The following GIN1 variants were observed in gnomAD, a reference collection of about 807,000 sequenced individuals.
GIN1 encodes gypsy retrotransposon integrase-like protein 1.
A neutral mutation model predicts 51.4 loss-of-function variants in GIN1; 41 were observed. The ratio of observed to expected loss-of-function variants is 0.80; its 90% CI spans 0.62 to 1.04. GIN1 has a LOEUF of 1.04. GIN1 is among the 50% of genes least tolerant of loss of function. The probability of loss-of-function intolerance (pLI) is 0.00; values close to 1 mark genes in which losing one functional copy is unlikely to be tolerated. For synonymous variants in GIN1, 222 were observed against 206.5 expected (o/e 1.07, Z -0.64); for missense variants, 610 against 612.4 (o/e 1.00, Z 0.04).
rs781841011 is a variant in GIN1 at position 103,104,615 on chromosome 5, T to C, written c.565A>G (p.Ile189Val). 2 of 1,575,242 alleles carry C rather than the reference T, an allele frequency of 1.3e-6. No homozygotes were observed. The highest frequency in any genetic ancestry group is 1.1e-5 in the South Asian group (1 of 90,288). The change falls in exon 4 of 8, where the codon ATT (isoleucine) becomes GTT (valine). Residue 189 changes from isoleucine (I) to valine (V), a missense_variant. Ile to Val is a conservative substitution (Grantham distance 29, BLOSUM62 3). Coordinates refer to ENST00000399004, the MANE Select transcript of GIN1 (RefSeq NM_017676.2). ...CCATATAAGAAAAATATATTGATAA[T>C]AGCTTTAGAAACTTCTGATGCTGAA... ...DVSASEVSKA[I>V]INIFFLYGPP...
intron 7 of GIN1, among the ~76,000 whole-genome samples, chr5:103,092,414 G>T (rs42860): frequency 0.3 from 46,158 of 151,674 alleles, 7,177 homozygotes; most frequent in East Asian, 0.45. Context: ...TTAGATTAAT[G>T]TATTTCTTCA....
At chr5:103,118,544 C>A (rs1257688832) in intron 1 of GIN1, among the ~76,000 whole-genome samples, 2 of 152,068 alleles carry the variant, frequency 1.3e-5, no homozygotes, top group Non-Finnish European at 2.9e-5. Flanking sequence ...AGAAGACTCA[C>A]GAATTGTATC....
rs550551338 is a variant in GIN1 at position 103,092,488 on chromosome 5, A to G, written c.1294+4053T>C. Among the ~76,000 whole-genome samples the G allele has an allele frequency of 2.0e-5, 3 of 152,202 alleles. No homozygotes were observed. The South Asian group carries it at 6.2e-4, about 32-fold the overall frequency. On this transcript the variant is annotated intron_variant, in intron 7 of 7. Coordinates refer to ENST00000399004, the MANE Select transcript of GIN1 (RefSeq NM_017676.2). The stretch of plus-strand genomic sequence containing the variant: ...TTTCTTATTTTAAAGAGAAGTGACT[A>G]AACTAATCCTATATATGGTTTGATA...
rs782646186 is a variant in GIN1 at position 103,086,211 on chromosome 5, T to C, written c.*1687A>G. 6 of 152,210 alleles carry C rather than the reference T, an allele frequency of 3.9e-5. No individual in the cohort carries two copies. The highest frequency in any genetic ancestry group is 2.9e-5 in the Non-Finnish European group (2 of 68,028). The allele number at this position is 152,210 out of a possible 1,614,324, so 9.4% of individuals were successfully genotyped here. A position where few individuals can be genotyped will look rare whatever the true frequency, so the allele number is the denominator to read the frequency against. On this transcript the variant is annotated 3_prime_UTR_variant, in exon 8 of 8. Transcript: ENST00000399004. ...CTTTATCTTCACATGGCATTCTCCT[T>C]GAGTCTGTGTTCAAATTTTCCCCTT...
Position 103,087,960 on chromosome 5 carries a change from G to A in GIN1, c.1507C>T (p.Leu503Phe), listed in dbSNP as rs1554194092. The A allele has an allele frequency of 3.8e-6, 6 of 1,598,522 alleles. No individual in the cohort carries two copies. The South Asian group carries it at 4.4e-5, about 12-fold the overall frequency. Residue 503 changes from leucine (L) to phenylalanine (F), a missense_variant, in exon 8 of 8, where the codon CTT becomes TTT. Transcript: ENST00000399004. ...AACAGACTGAAAGTCTGCTTTTCAAGAGAACTATGATCGTCTATCAATGGA... is the reference window on the plus strand; with the variant it reads ...AACAGACTGAAAGTCTGCTTTTCAAAAGAACTATGATCGTCTATCAATGGA... ...ISPLIDDHSS[L>F]EKQTFSLLDS...
rs1787792662 is a variant in GIN1, at chr5:103,108,665, T to C, written c.43A>G (p.Ile15Val). The change falls in exon 2 of 8, where the codon ATT becomes GTT. Residue 15 changes from isoleucine to valine, a missense_variant. Physicochemically the swap from Ile to Val is conservative, Grantham distance 29. Coordinates refer to ENST00000399004, the MANE Select transcript of GIN1 (RefSeq NM_017676.2). ...TCACCAGTTCGTTTGTAATATGCAA[T>C]CTGTTTAAGATGAAGGTCACCATTT... The part of the protein sequence containing the change: ...GKNGDLHLKQ[I>V]AYYKRTGEYH... 2 of 1,604,376 alleles carry C rather than the reference T, an allele frequency of 1.2e-6. No individual in the cohort carries two copies. The highest frequency in any genetic ancestry group is 2.2e-5 in the East Asian group (1 of 44,736).
In GIN1 at chr5:103,113,770, C is replaced by T. The variant is rs144514383; in HGVS notation, c.-7-5056G>A. Among the ~76,000 whole-genome samples the T allele has an allele frequency of 6.8e-3, 1,030 of 152,282 alleles. 7 individuals are homozygous for T. The highest frequency in any genetic ancestry group is 0.013 in the Non-Finnish European group (857 of 68,024). ...CTCCTGACCTCAAGTGATCCACCCA[C>T]CTTAGCCTCCCAAAGTGCTGGGCTT... On this transcript the variant is annotated intron_variant, in intron 1 of 7. Coordinates refer to ENST00000399004, the MANE Select transcript of GIN1 (RefSeq NM_017676.2).
At position 103,088,124 on chromosome 5, in the gene GIN1, A is replaced by T; in HGVS notation, c.1343T>A (p.Ile448Asn). Residue 448 changes from isoleucine (I) to asparagine (N), a missense_variant, in exon 8 of 8, where the codon ATT (isoleucine) becomes AAT (asparagine). Transcript: ENST00000399004. The part of the protein sequence containing the change: ...QGSVVADHDY[I>N]GLPEIPIGAY... ...TCCAATCGGAATTTCAGGCAATCCA[A>T]TGTAGTCATGATCTGCCACTACTGA... 1 of 1,608,186 alleles carries T rather than the reference A, an allele frequency of 6.2e-7. No individual in the cohort carries two copies. The highest frequency in any genetic ancestry group is 8.5e-7 in the Non-Finnish European group (1 of 1,175,518).
chr5:103,093,766 G>C (rs1787320024), intron 7 of GIN1, among the ~76,000 whole-genome samples: 1 of 152,150 alleles, frequency 6.6e-6, no homozygotes, highest in Non-Finnish European at 1.5e-5. Context: ...TCAAAGAGGA[G>C]CATTATGATT....
At chr5:103,110,152 A>G (rs1787833271) in intron 1 of GIN1, among the ~76,000 whole-genome samples, 1 of 152,104 alleles carries the variant, frequency 6.6e-6, no homozygotes, top group Non-Finnish European at 1.5e-5. Context: ...AAACATAGGA[A>G]AAGATCTTTC....
chr5:103,087,692 A>G lies in GIN1; in HGVS notation c.*206T>C, dbSNP rs1787113364. 2.9e-6 allele frequency: 1 copy of G among 347,306 alleles called. No individual in the cohort carries two copies. The highest frequency in any genetic ancestry group is 5.1e-6 in the Non-Finnish European group (1 of 195,910). 21.5% of individuals were successfully genotyped at this position (347,306 alleles called of 1,614,324 possible). ...TTTTAGAAGAAAAAGTGAATTCTAT[A>G]TATTACATGCTTCCTTTGCCTTCAT... On this transcript the variant is annotated 3_prime_UTR_variant, in exon 8 of 8. Transcript: ENST00000399004.
intron 1 of GIN1, among the ~76,000 whole-genome samples, chr5:103,116,408 CAATT>C (rs1464891721): frequency 1.1e-4 from 16 of 152,048 alleles, no homozygotes; most frequent in African/African-American, 3.9e-4. Context: ...AATGCTGTAA[CAATT>C]AAACATCCTT....
intron 4 of GIN1, among the ~76,000 whole-genome samples, chr5:103,100,605 C>A (rs141370886): frequency 1.3e-5 from 2 of 150,952 alleles, no homozygotes; most frequent in Admixed American, 1.3e-4. Context: ...TGTTGTATTG[C>A]ATGGGCTGGT....
chr5:103,093,529 T>C (rs556354102), intron 7 of GIN1, among the ~76,000 whole-genome samples: 1 of 152,322 alleles, frequency 6.6e-6, no homozygotes, highest in Non-Finnish European at 1.5e-5. Context: ...CTTCTAACCT[T>C]CAGAATTGTA....
At chr5:103,112,638 A>G (rs1787918774) in intron 1 of GIN1, among the ~76,000 whole-genome samples, 1 of 152,142 alleles carries the variant, frequency 6.6e-6, no homozygotes, top group African/African-American at 2.4e-5. Flanking sequence ...ATTAAGCCTT[A>G]CCCATCTTTC....
At chr5:103,103,084 T>A (rs1787619780) in intron 4 of GIN1, among the ~76,000 whole-genome samples, 2 of 152,302 alleles carry the variant, frequency 1.3e-5, no homozygotes, top group East Asian at 1.9e-4. Flanking sequence ...CTTACAAGGT[T>A]GGACCTTGGC....
chr5:103,119,748 G>T (rs1788325229), intron 1 of GIN1, among the ~76,000 whole-genome samples: 1 of 152,158 alleles, frequency 6.6e-6, no homozygotes, highest in Non-Finnish European at 1.5e-5. Flanking sequence ...TGGGCGACTC[G>T]TTAACGGAAT....
Position 103,086,418 on chromosome 5 carries a change from A to G in GIN1, c.*1480T>C, listed in dbSNP as rs1321019352. On this transcript the variant is annotated 3_prime_UTR_variant, in exon 8 of 8. Coordinates refer to ENST00000399004, the MANE Select transcript of GIN1 (RefSeq NM_017676.2). ...TCCTTAATAGTATTCAAAGCTCTCC[A>G]TAAGGTTTCCTACTTACCTTTTCAG... The G allele has an allele frequency of 6.6e-6, 1 of 152,210 alleles. No individual in the cohort carries two copies. Among genetic ancestry groups the G allele is most frequent in the African/African-American group, 2.4e-5 (1 of 41,460 alleles). 9.4% of individuals were successfully genotyped at this position (152,210 alleles called of 1,614,324 possible).
chr5:103,106,388 G>A (rs938442658), intron 3 of GIN1, among the ~76,000 whole-genome samples: 10 of 152,058 alleles, frequency 6.6e-5, no homozygotes, highest in Non-Finnish European at 1.5e-4. Flanking sequence ...TTGTATGACT[G>A]CCATTGAAGA....
Sources: gnomAD v4.1 joint callset for allele counts (sites outside exome capture counted in the v4.1 genomes callset) on GRCh38, gnomAD v4.1.1 for gene constraint, MANE v1.5 for transcripts, NCBI Gene and HGNC (gene_info 2026-07-23, HGNC 2026-07-21) for gene names.